The following PIGU variants were observed in gnomAD, a reference collection of about 807,000 sequenced individuals.
The protein encoded by PIGU is GPI-anchor transamidase component PIGU.
A neutral mutation model predicts 49.9 loss-of-function variants in PIGU; 24 were observed. The observed-to-expected ratio is 0.48, with a 90% confidence interval of 0.35 to 0.68. The LOEUF (loss-of-function observed/expected upper bound fraction) is 0.68. Ranked by LOEUF, PIGU falls within the 30% of genes least tolerant of loss-of-function variation. The pLI is 0.01. For synonymous variants in PIGU, 220 were observed against 205.7 expected (o/e 1.07, Z -0.59); for missense variants, 490 against 532.6 (o/e 0.92, Z 0.79).
At chr20:34,636,854 G>A (rs1480759639) in intron 5 of PIGU, among the ~76,000 whole-genome samples, 2 of 152,094 alleles carry the variant, frequency 1.3e-5, no homozygotes, top group East Asian at 1.9e-4. Context: ...AATTGCTGGC[G>A]GTTTTTTTCA....
At chr20:34,570,727 A>T (rs1982974987) in intron 11 of PIGU, among the ~76,000 whole-genome samples, 1 of 152,290 alleles carries the variant, frequency 6.6e-6, no homozygotes, top group Non-Finnish European at 1.5e-5. Flanking sequence ...TAATTTTAGG[A>T]GAAGATTTTC....
chr20:34,659,170 T>C (rs1600667673), intron 1 of PIGU, among the ~76,000 whole-genome samples: 2 of 111,454 alleles, frequency 1.8e-5, no homozygotes, highest in African/African-American at 6.8e-5. Flanking sequence ...GGAGCCCCTC[T>C]GCCCGGCCAG....
intron 6 of PIGU, among the ~76,000 whole-genome samples, chr20:34,616,664 T>C (rs183327793): frequency 5.5e-4 from 84 of 152,294 alleles, no homozygotes; most frequent in African/African-American, 1.9e-3. Flanking sequence ...TCACTTCCTA[T>C]ATAAAATGGA....
chr20:34,618,406 A>G (rs1165239348), intron 6 of PIGU, among the ~76,000 whole-genome samples: 3 of 152,332 alleles, frequency 2.0e-5, no homozygotes, highest in South Asian at 2.1e-4. Context: ...CAAGATATAA[A>G]GCCCAACAGG....
intron 6 of PIGU, among the ~76,000 whole-genome samples, chr20:34,626,932 ATAT>A (rs1400289381): frequency 6.6e-6 from 1 of 151,918 alleles, no homozygotes; most frequent in Admixed American, 6.5e-5. Flanking sequence ...AATTTTATTA[ATAT>A]TATGTGGTAA....
In PIGU at chr20:34,644,368, C is replaced by CT. The variant is rs148316595; in HGVS notation, c.256-143dup. On this transcript the variant is annotated intron_variant, in intron 3 of 11. Transcript: ENST00000217446. ...CAATCAGGTAGAACTTCAACCCTCA[C>CT]TTTGACTACCCAAAGATAAGGCCCA... The CT allele has an allele frequency of 5.7e-3, 3,477 of 613,470 alleles. 91 individuals carry two copies. The highest frequency in any genetic ancestry group is 0.056 in the African/African-American group (3,042 of 54,632). 38.0% of individuals were successfully genotyped at this position (613,470 alleles called of 1,614,324 possible). A position where few individuals can be genotyped will look rare whatever the true frequency, so the allele number is the denominator to read the frequency against.
chr20:34,626,332 C>T (rs1052660609), intron 6 of PIGU, among the ~76,000 whole-genome samples: 9 of 149,792 alleles, frequency 6.0e-5, no homozygotes, highest in Admixed American at 4.6e-4. Flanking sequence ...GACGGAGCTC[C>T]GCTTTTGTTG....
At chr20:34,674,814 C>A (rs1987442783) in intron 1 of PIGU, among the ~76,000 whole-genome samples, 1 of 151,794 alleles carries the variant, frequency 6.6e-6, no homozygotes, top group East Asian at 1.9e-4. Context: ...GTGGTACATG[C>A]CTGTAGTCCC....
chr20:34,586,893 G>A (rs936560533), intron 8 of PIGU, among the ~76,000 whole-genome samples: 2 of 152,108 alleles, frequency 1.3e-5, no homozygotes, highest in African/African-American at 4.8e-5. Context: ...ATGTTCCCAG[G>A]GAGTGCTCTT....
chr20:34,653,329 C>T (rs1457332987), intron 2 of PIGU, among the ~76,000 whole-genome samples: 1 of 152,146 alleles, frequency 6.6e-6, no homozygotes, highest in Admixed American at 6.6e-5. Context: ...CTTGTTCTAC[C>T]AATCATTGAG....
intron 2 of PIGU, among the ~76,000 whole-genome samples, chr20:34,653,337 G>A (rs1175587208): frequency 1.3e-5 from 2 of 152,268 alleles, no homozygotes; most frequent in African/African-American, 4.8e-5. Flanking sequence ...ACCAATCATT[G>A]AGAAAGGGAT....
At chr20:34,673,482 C>G (rs1286277641) in intron 1 of PIGU, among the ~76,000 whole-genome samples, 1 of 152,070 alleles carries the variant, frequency 6.6e-6, no homozygotes, top group African/African-American at 2.4e-5. Context: ...GGGTGGTTAA[C>G]AAATCTCTCT....
chr20:34,586,238 C>G (rs770655163), intron 8 of PIGU, among the ~76,000 whole-genome samples: 21 of 152,312 alleles, frequency 1.4e-4, no homozygotes, highest in Non-Finnish European at 2.2e-4. Context: ...GAAGTTGAAA[C>G]TGATCTCAAT....
rs112034481 is a variant in PIGU at position 34,568,168 on chromosome 20, T to C, written c.1194+6936A>G. On this transcript the variant is annotated intron_variant, in intron 11 of 11. Coordinates refer to ENST00000217446, the MANE Select transcript of PIGU (RefSeq NM_080476.5). ...GCCAGCGAGCCAGGACAGACAGGGCTGGAGTCGCTATAGAGTTTGGGCTTC... is the reference window on the plus strand; with the variant it reads ...GCCAGCGAGCCAGGACAGACAGGGCCGGAGTCGCTATAGAGTTTGGGCTTC... 1.8e-4 allele frequency among the ~76,000 whole-genome samples: 28 copies of C among 152,296 alleles called. No individual in the cohort carries two copies. In the South Asian group the frequency reaches 2.3e-3, roughly 12 times the overall value.
intron 1 of PIGU, among the ~76,000 whole-genome samples, chr20:34,663,255 G>A (rs1227983228): frequency 6.6e-6 from 1 of 152,114 alleles, no homozygotes; most frequent in Non-Finnish European, 1.5e-5. Context: ...AAAATAGGTA[G>A]GCAGGGATTC....
chr20:34,623,001 C>G (rs1041872429), intron 6 of PIGU, among the ~76,000 whole-genome samples: 2 of 152,122 alleles, frequency 1.3e-5, no homozygotes, highest in African/African-American at 4.8e-5. Flanking sequence ...AATACTTTGC[C>G]TCCAGGGACT....
chr20:34,676,024 TAAAAA>T (rs10711315), intron 1 of PIGU, among the ~76,000 whole-genome samples: 1 of 132,610 alleles, frequency 7.5e-6, no homozygotes. Context: ...TGTACTTCAG[TAAAAA>T]AAAAAAAAAA....
intron 6 of PIGU, among the ~76,000 whole-genome samples, chr20:34,630,362 T>C (rs1293811594): frequency 6.6e-6 from 1 of 152,194 alleles, no homozygotes; most frequent in Non-Finnish European, 1.5e-5. Context: ...CCACCTTCCC[T>C]GTTCCTGCTC....
intron 7 of PIGU, among the ~76,000 whole-genome samples, chr20:34,611,648 G>GAAAAAAAAAAAAAAAAGAAAAAAA (rs1984816142): frequency 1.5e-5 from 1 of 65,010 alleles, no homozygotes; most frequent in Non-Finnish European, 3.0e-5. Flanking sequence ...TCAAGTCTCA[G>GAAAAAAAAAAAAAAAAGAAAAAAA]AAAAAAAAAA....
Sources: gnomAD v4.1 joint callset for allele counts (sites outside exome capture counted in the v4.1 genomes callset) on GRCh38, gnomAD v4.1.1 for gene constraint, MANE v1.5 for transcripts, NCBI Gene and HGNC (gene_info 2026-07-23, HGNC 2026-07-21) for gene names.